Variants in ZNF385D observed in about 807,000 individuals in gnomAD.
ZNF385D encodes the protein zinc finger protein 385D.
ZNF385D carries 15 observed loss-of-function variants against 35.8 expected under a neutral mutation model. That is an observed-to-expected ratio of 0.42 (90% CI 0.28 to 0.64). ZNF385D has a LOEUF of 0.64. ZNF385D is among the 30% of genes least tolerant of loss of function. The pLI, the probability that ZNF385D is intolerant of heterozygous loss-of-function variation, is 0.23. For missense variants in ZNF385D, 474 were observed against 494.6 expected, an observed-to-expected ratio of 0.96 and a Z score of 0.39; for synonymous variants, 212 against 186.8, an observed-to-expected ratio of 1.13 and a Z score of -1.10.
At chr3:21,587,288 G>GAGTT (rs900185583) in intron 2 of ZNF385D, among the ~76,000 whole-genome samples, 1 of 152,154 alleles carries the variant, frequency 6.6e-6, no homozygotes, top group Admixed American at 6.6e-5. Context: ...AGTCAATCTG[G>GAGTT]AGTTAAAAAG....
intron 3 of ZNF385D, among the ~76,000 whole-genome samples, chr3:21,850,859 C>T (rs1696341950): frequency 6.6e-6 from 1 of 152,018 alleles, no homozygotes; most frequent in Admixed American, 6.6e-5. Context: ...CAGAACAGAT[C>T]CACAACTAAA....
At chr3:21,814,898 T>A (rs971177266) in intron 3 of ZNF385D, among the ~76,000 whole-genome samples, 1 of 152,114 alleles carries the variant, frequency 6.6e-6, no homozygotes, top group African/African-American at 2.4e-5. Context: ...CAGCACTACA[T>A]CACACTTATT....
At chr3:22,315,384 T>C (rs1371026237) in intron 2 of ZNF385D, among the ~76,000 whole-genome samples, 2 of 152,256 alleles carry the variant, frequency 1.3e-5, no homozygotes, top group South Asian at 4.1e-4. Flanking sequence ...ATGTCTAAAA[T>C]AGGTAGACGC....
chr3:21,716,570 T>C (rs1289132653), intron 1 of ZNF385D, among the ~76,000 whole-genome samples: 2 of 152,184 alleles, frequency 1.3e-5, no homozygotes, highest in Admixed American at 6.5e-5. Context: ...TGCCTAGATA[T>C]GTGCCTGGCT....
intron 3 of ZNF385D, among the ~76,000 whole-genome samples, chr3:22,096,496 A>G (rs1441299078): frequency 6.6e-6 from 1 of 152,068 alleles, no homozygotes; most frequent in Admixed American, 6.6e-5. Flanking sequence ...TAACTCTAAT[A>G]AGAACTCTCC....
chr3:21,871,530 A>G (rs1697690095), intron 3 of ZNF385D, among the ~76,000 whole-genome samples: 1 of 152,160 alleles, frequency 6.6e-6, no homozygotes, highest in African/African-American at 2.4e-5. Context: ...TATAGTAGGT[A>G]CTCAATAAAT....
At chr3:21,595,892 A>G (rs1039211345) in intron 2 of ZNF385D, among the ~76,000 whole-genome samples, 3 of 152,184 alleles carry the variant, frequency 2.0e-5, no homozygotes, top group African/African-American at 7.2e-5. Context: ...AATACCAACT[A>G]TATCATATGT....
intron 2 of ZNF385D, among the ~76,000 whole-genome samples, chr3:22,320,859 T>C (rs1454991768): frequency 6.6e-6 from 1 of 151,928 alleles, no homozygotes; most frequent in Non-Finnish European, 1.5e-5. Flanking sequence ...CATTAACTTA[T>C]ATTTTTATGA....
At chr3:22,180,353 G>C (rs1387237932) in intron 2 of ZNF385D, among the ~76,000 whole-genome samples, 1 of 152,146 alleles carries the variant, frequency 6.6e-6, no homozygotes, top group Non-Finnish European at 1.5e-5. Context: ...TTCTAACACA[G>C]GTACAAGGAG....
chr3:22,160,260 A>C (rs750965425), intron 3 of ZNF385D, among the ~76,000 whole-genome samples: 2 of 152,132 alleles, frequency 1.3e-5, no homozygotes, highest in Non-Finnish European at 2.9e-5. Flanking sequence ...AGGTATCATT[A>C]AGAAAGAAGT....
chr3:21,955,983 T>C (rs1702265110), intron 3 of ZNF385D, among the ~76,000 whole-genome samples: 1 of 151,926 alleles, frequency 6.6e-6, no homozygotes, highest in African/African-American at 2.4e-5. Context: ...CTCAGGTATA[T>C]GAAACGAGCT....
chr3:21,782,547 T>G (rs764974468), intron 3 of ZNF385D, among the ~76,000 whole-genome samples: 45 of 152,118 alleles, frequency 3.0e-4, no homozygotes, highest in Non-Finnish European at 5.3e-4. Flanking sequence ...TGTGTCTCCT[T>G]TTCCAAACTG....
chr3:22,140,355 T>C (rs928817487), intron 3 of ZNF385D, among the ~76,000 whole-genome samples: 4 of 152,168 alleles, frequency 2.6e-5, no homozygotes, highest in African/African-American at 4.8e-5. Context: ...GTTCTATTTA[T>C]ACAACATTTT....
chr3:21,602,512 A>ATTTTTTTTTTTTTTTTTTTTTTTT (rs199882061), intron 2 of ZNF385D, among the ~76,000 whole-genome samples: 3 of 90,204 alleles, frequency 3.3e-5, no homozygotes, highest in Non-Finnish European at 6.0e-5. Flanking sequence ...GTTTCCCTGC[A>ATTTTTTTTTTTTTTTTTTTTTTTT]TTTTCTTTTT....
chr3:22,280,428 C>T (rs1046619652), intron 2 of ZNF385D, among the ~76,000 whole-genome samples: 2 of 149,292 alleles, frequency 1.3e-5, no homozygotes, highest in East Asian at 4.0e-4. Context: ...AAAGTCTGAT[C>T]TTAAGCTGAC....
intron 3 of ZNF385D, among the ~76,000 whole-genome samples, chr3:21,787,835 G>C (rs78733018): frequency 0.094 from 14,236 of 151,476 alleles, 755 homozygotes; most frequent in South Asian, 0.15. Flanking sequence ...GCAATAACTC[G>C]GGAGGCTGAG....
intron 3 of ZNF385D, among the ~76,000 whole-genome samples, chr3:22,166,522 A>G (rs1339299159): frequency 1.3e-5 from 2 of 152,164 alleles, no homozygotes; most frequent in Non-Finnish European, 2.9e-5. Context: ...GCATAGTATT[A>G]ACTGATGTTA....
intron 3 of ZNF385D, among the ~76,000 whole-genome samples, chr3:21,859,055 AAAAGGT>A (rs1696892703): frequency 6.6e-6 from 1 of 151,848 alleles, no homozygotes; most frequent in Non-Finnish European, 1.5e-5. Flanking sequence ...GCGGGGAGAG[AAAAGGT>A]AAAACTCAGC....
chr3:22,213,875 CCTT>C lies in ZNF385D; in HGVS notation c.107-44843_107-44841del, dbSNP rs369642530. ...CATCTTTGTGACATGTGTATTCTCT[CCTT>C]CTTAAGGAGAGAATTTACACCAGAA... On this transcript the variant is annotated intron_variant, in intron 2 of 5. Transcript: ENST00000494108. Among the ~76,000 whole-genome samples the C allele has an allele frequency of 1.1e-3, 166 of 152,128 alleles. 4 individuals carry two copies. The South Asian group carries it at 0.026, about 24-fold the overall frequency.
Sources: gnomAD v4.1 joint callset for allele counts (sites outside exome capture counted in the v4.1 genomes callset) on GRCh38, gnomAD v4.1.1 for gene constraint, MANE v1.5 for transcripts, NCBI Gene and HGNC (gene_info 2026-07-23, HGNC 2026-07-21) for gene names.